Variants in ASAP1 observed in about 807,000 individuals in gnomAD.
ASAP1 encodes the protein arf-GAP with SH3 domain, ANK repeat and PH domain-containing protein 1.
Under a neutral mutation model 145.2 loss-of-function variants are expected in ASAP1, and 43 were observed. That is an observed-to-expected ratio of 0.30 (90% confidence interval 0.23 to 0.38). The LOEUF (loss-of-function observed/expected upper bound fraction) is 0.38, where lower values mean the gene tolerates loss of function less well. Among genes scored for constraint, ASAP1 ranks in the 10% least tolerant of loss-of-function variants. ASAP1 has a pLI of 1.00. For missense variants in ASAP1, 1,018 were observed against 1,355.3 expected (o/e 0.75, Z 3.91); for synonymous variants, 546 against 515.5 (o/e 1.06, Z -0.80).
chr8:130,169,590 G>C (rs558983322), intron 9 of ASAP1, among the ~76,000 whole-genome samples: 15 of 152,286 alleles, frequency 9.8e-5, no homozygotes, highest in African/African-American at 3.6e-4. Context: ...AGAATTCAAA[G>C]CAATAATACC....
intron 4 of ASAP1, among the ~76,000 whole-genome samples, chr8:130,224,161 G>T (rs1180986098): frequency 2.0e-5 from 3 of 152,150 alleles, no homozygotes; most frequent in African/African-American, 7.2e-5. Context: ...ACTGCATGTA[G>T]TGGATTCTCC....
chr8:130,294,674 T>C (rs1231203083), intron 3 of ASAP1, among the ~76,000 whole-genome samples: 1 of 152,148 alleles, frequency 6.6e-6, no homozygotes, highest in Non-Finnish European at 1.5e-5. Context: ...GCTCCTGCAG[T>C]GGGAAAAGCA....
chr8:130,257,863 C>A (rs1460594521), intron 3 of ASAP1, among the ~76,000 whole-genome samples: 1 of 146,086 alleles, frequency 6.8e-6, no homozygotes, highest in Non-Finnish European at 1.5e-5. Context: ...GTTATATGCA[C>A]TTGAACCACA....
chr8:130,433,333 A>T (rs1830202303), intron 1 of ASAP1, among the ~76,000 whole-genome samples: 1 of 152,336 alleles, frequency 6.6e-6, no homozygotes, highest in East Asian at 1.9e-4. Flanking sequence ...CGATCCAGCT[A>T]TTCTCAGCCT....
chr8:130,085,735 T>TAAAAAAA (rs376786284), intron 25 of ASAP1, among the ~76,000 whole-genome samples: 2 of 125,312 alleles, frequency 1.6e-5, no homozygotes, highest in African/African-American at 3.0e-5. Context: ...ACGTTGTCTT[T>TAAAAAAA]AAGAAAAAAA....
intron 1 of ASAP1, among the ~76,000 whole-genome samples, chr8:130,403,089 GA>G (rs1828869768): frequency 6.6e-6 from 1 of 151,906 alleles, no homozygotes; most frequent in African/African-American, 2.4e-5. Flanking sequence ...TTATTTTGAG[GA>G]AATTTCCAGT....
At chr8:130,186,012 AT>A (rs1814702535) in intron 7 of ASAP1, among the ~76,000 whole-genome samples, 1 of 152,224 alleles carries the variant, frequency 6.6e-6, no homozygotes, top group East Asian at 1.9e-4. Context: ...AAGAAGACAT[AT>A]TCTACAAGTG....
chr8:130,410,497 G>A (rs536454298), intron 1 of ASAP1, among the ~76,000 whole-genome samples: 4 of 152,314 alleles, frequency 2.6e-5, no homozygotes, highest in Non-Finnish European at 5.9e-5. Flanking sequence ...ATGCCAGCAG[G>A]AGCAGGCTCA....
chr8:130,215,745 AAACAAC>A (rs969137360), intron 4 of ASAP1, among the ~76,000 whole-genome samples: 9 of 151,888 alleles, frequency 5.9e-5, no homozygotes, highest in South Asian at 4.2e-4. Flanking sequence ...CTCTGTCTCA[AAACAAC>A]AACAACAACA....
At chr8:130,084,354 G>GAGC (rs1410379661) in intron 25 of ASAP1, 1 of 152,238 alleles carries the variant, frequency 6.6e-6, no homozygotes, top group Non-Finnish European at 1.5e-5. Flanking sequence ...AGAGGACAAT[G>GAGC]AGCAGCAAAA....
intron 27 of ASAP1, among the ~76,000 whole-genome samples, chr8:130,075,440 C>T (rs1564931144): frequency 2.0e-5 from 3 of 152,190 alleles, no homozygotes; most frequent in African/African-American, 7.2e-5. Flanking sequence ...CCCAGTTTGA[C>T]TTCTGCTCAA....
chr8:130,368,010 CCTTT>C (rs1368724103), intron 2 of ASAP1, among the ~76,000 whole-genome samples: 1 of 152,098 alleles, frequency 6.6e-6, no homozygotes, highest in Non-Finnish European at 1.5e-5. Flanking sequence ...TAGTTAACGT[CCTTT>C]TTCAAGTGTG....
In ASAP1 at chr8:130,272,962, A is replaced by G. The variant is rs190020801; in HGVS notation, c.187-35968T>C. The stretch of plus-strand genomic sequence containing the variant: ...TAGGGTGACTACAGTTAATGACAAT[A>G]TATCGTGTATTTCAAAATAGCTTGA... On this transcript the variant is annotated intron_variant, in intron 3 of 29. Transcript: ENST00000518721. Among the ~76,000 whole-genome samples, 570 of 152,320 alleles carry G rather than the reference A, an allele frequency of 3.7e-3. 4 individuals are homozygous for G. The highest frequency in any genetic ancestry group is 6.2e-3 in the Non-Finnish European group (420 of 68,024).
chr8:130,115,886 A>G (rs2097555023), intron 22 of ASAP1, 151 bp from the exon 23 acceptor site: 1 of 611,964 alleles, frequency 1.6e-6, no homozygotes, highest in African/African-American at 1.8e-5. Context: ...GACAAGCTGC[A>G]CTGCTATGTG....
Position 130,358,282 on chromosome 8 carries a change from T to G in ASAP1, c.60-139A>C. On this transcript the variant is annotated intron_variant, in intron 2 of 29. Coordinates refer to ENST00000518721, the MANE Select transcript of ASAP1 (RefSeq NM_018482.4). The surrounding 1 kb of genome is among the most constrained non-coding windows in gnomAD (Gnocchi z 4.1). The stretch of plus-strand genomic sequence containing the variant: ...CGCCCGGCCTGGCGCGCGGCTCCCG[T>G]CCCCGGCAGCGGCGAGAGGGAGGGA... The G allele has an allele frequency of 1.2e-5, 6 of 521,190 alleles. No homozygotes were observed. Among genetic ancestry groups the G allele is most frequent in the Non-Finnish European group, 1.5e-5 (6 of 393,074 alleles). 32.3% of individuals were successfully genotyped at this position (521,190 alleles called of 1,614,324 possible).
intron 1 of ASAP1, among the ~76,000 whole-genome samples, chr8:130,431,135 C>T (rs1281223218): frequency 6.6e-6 from 1 of 152,126 alleles, no homozygotes; most frequent in Non-Finnish European, 1.5e-5. Flanking sequence ...TTCCCCATCC[C>T]CCCTCCAAAT....
intron 27 of ASAP1, among the ~76,000 whole-genome samples, chr8:130,074,663 C>T (rs1431864142): frequency 2.0e-5 from 3 of 152,166 alleles, no homozygotes; most frequent in Admixed American, 1.3e-4. Context: ...CAAGGTCTAC[C>T]TTAGGACCAC....
intron 27 of ASAP1, among the ~76,000 whole-genome samples, chr8:130,071,012 G>T (rs2097444909): frequency 3.4e-5 from 1 of 29,382 alleles, no homozygotes; most frequent in Admixed American, 4.0e-4. Flanking sequence ...GGGAGGGGGG[G>T]AGAGAGAGAG....
At chr8:130,267,872 A>G (rs1820353532) in intron 3 of ASAP1, among the ~76,000 whole-genome samples, 1 of 152,182 alleles carries the variant, frequency 6.6e-6, no homozygotes, top group Non-Finnish European at 1.5e-5. Context: ...TCCAGCCCAG[A>G]ACTGGTAGGA....
Sources: gnomAD v4.1 joint callset for allele counts (sites outside exome capture counted in the v4.1 genomes callset) on GRCh38, gnomAD v4.1.1 for gene constraint, Gnocchi (gnomAD v3.1) non-coding constraint, MANE v1.5 for transcripts, NCBI Gene and HGNC (gene_info 2026-07-23, HGNC 2026-07-21) for gene names.